The following EYS variants were observed in gnomAD, a reference collection of about 807,000 sequenced individuals.
The protein encoded by EYS is protein eyes shut homolog.
Under a neutral mutation model 282.1 loss-of-function variants are expected in EYS, and 250 were observed. The observed-to-expected ratio is 0.89, with a 90% confidence interval of 0.80 to 0.98. EYS has a LOEUF of 0.98. EYS is among the 50% of genes least tolerant of loss of function. The pLI is 0.00. For missense variants in EYS, 4,016 were observed against 3,709.0 expected (o/e 1.08, Z -2.15); for synonymous variants, 1,355 against 1,282.9 (o/e 1.06, Z -1.20).
chr6:65,584,606 C>T (rs546860507), intron 2 of EYS, among the ~76,000 whole-genome samples: 120 of 151,860 alleles, frequency 7.9e-4, no homozygotes, highest in African/African-American at 2.8e-3. Flanking sequence ...TACCTTCAAA[C>T]GAATCATTTT....
At chr6:65,673,435 A>C (rs888255679) in intron 1 of EYS, among the ~76,000 whole-genome samples, 3 of 152,130 alleles carry the variant, frequency 2.0e-5, no homozygotes, top group African/African-American at 7.2e-5. Flanking sequence ...ACTAAACAGA[A>C]GATACAAGGT....
intron 35 of EYS, among the ~76,000 whole-genome samples, chr6:63,915,095 G>A (rs749663599): frequency 3.0e-4 from 45 of 152,118 alleles, no homozygotes; most frequent in Non-Finnish European, 5.6e-4. Context: ...TTGAAAGAAG[G>A]TGCCATCTAG....
intron 12 of EYS, among the ~76,000 whole-genome samples, chr6:65,202,744 G>A (rs866630209): frequency 6.6e-6 from 1 of 152,162 alleles, no homozygotes; most frequent in African/African-American, 2.4e-5. Flanking sequence ...ATAGCTTTGT[G>A]ATCTGGGCAC....
intron 5 of EYS, among the ~76,000 whole-genome samples, chr6:65,441,376 G>A (rs1052010295): frequency 3.3e-5 from 5 of 151,440 alleles, no homozygotes; most frequent in East Asian, 3.9e-4. Context: ...TTCTATTTAC[G>A]AATGTTCATG....
At chr6:65,363,563 G>A (rs1044055897) in intron 8 of EYS, among the ~76,000 whole-genome samples, 3 of 151,434 alleles carry the variant, frequency 2.0e-5, no homozygotes, top group Admixed American at 6.6e-5. Context: ...ACTTGATAAC[G>A]TTGCCATCTC....
chr6:64,583,536 C>T (rs1766139566), intron 26 of EYS, among the ~76,000 whole-genome samples: 1 of 152,102 alleles, frequency 6.6e-6, no homozygotes, highest in Middle Eastern at 3.2e-3. Flanking sequence ...TAGCTCACGC[C>T]TGTTATCCCA....
chr6:64,989,550 A>C (rs1040883122), intron 14 of EYS, among the ~76,000 whole-genome samples: 30 of 137,774 alleles, frequency 2.2e-4, no homozygotes, highest in African/African-American at 8.1e-4. Context: ...ATAATATATC[A>C]TATATTTTAT....
At chr6:64,786,183 TC>T (rs1264660525) in intron 22 of EYS, among the ~76,000 whole-genome samples, 1 of 144,758 alleles carries the variant, frequency 6.9e-6, no homozygotes, top group Admixed American at 6.8e-5. Context: ...CTTTACTGGT[TC>T]TACATTTTTT....
intron 33 of EYS, among the ~76,000 whole-genome samples, chr6:64,036,684 C>A (rs867293330): frequency 6.6e-6 from 1 of 152,008 alleles, no homozygotes; most frequent in African/African-American, 2.4e-5. Context: ...AAAACTTGGG[C>A]CTGGATTGGC....
intron 36 of EYS, among the ~76,000 whole-genome samples, chr6:63,838,038 T>G (rs1256133844): frequency 1.3e-5 from 2 of 152,162 alleles, no homozygotes; most frequent in African/African-American, 4.8e-5. Context: ...TCTGATTTTA[T>G]GCACTTTATC....
intron 31 of EYS, among the ~76,000 whole-genome samples, chr6:64,121,973 C>T (rs774027788): frequency 6.6e-6 from 1 of 152,092 alleles, no homozygotes; most frequent in Admixed American, 6.6e-5. Context: ...ATATTAAGAA[C>T]ATTTCCATCT....
chr6:64,133,207 A>G (rs1465243336), intron 31 of EYS, among the ~76,000 whole-genome samples: 2 of 151,986 alleles, frequency 1.3e-5, no homozygotes, highest in African/African-American at 4.8e-5. Context: ...ACTCTTGTTC[A>G]CATTTTTTAT....
chr6:64,910,363 A>G (rs541941168), intron 16 of EYS, among the ~76,000 whole-genome samples: 2 of 152,280 alleles, frequency 1.3e-5, no homozygotes, highest in South Asian at 2.1e-4. Flanking sequence ...TTTAAAAGCA[A>G]TGTTACAGCC....
chr6:64,142,718 G>T (rs1024007782), intron 31 of EYS, among the ~76,000 whole-genome samples: 1 of 152,146 alleles, frequency 6.6e-6, no homozygotes, highest in African/African-American at 2.4e-5. Context: ...TTGATAGGAA[G>T]TGACAGAACT....
At chr6:65,090,273 T>C (rs1214468653) in intron 12 of EYS, among the ~76,000 whole-genome samples, 1 of 152,078 alleles carries the variant, frequency 6.6e-6, no homozygotes, top group Non-Finnish European at 1.5e-5. Flanking sequence ...GATATGATGG[T>C]TTTATAAGCA....
intron 29 of EYS, among the ~76,000 whole-genome samples, chr6:64,309,266 A>G (rs1260972232): frequency 1.3e-5 from 2 of 152,176 alleles, no homozygotes; most frequent in African/African-American, 4.8e-5. Context: ...AAGAGCCATG[A>G]AAAATGGTCT....
chr6:64,636,712 G>A (rs1018919233), intron 22 of EYS, among the ~76,000 whole-genome samples: 1 of 151,946 alleles, frequency 6.6e-6, no homozygotes, highest in African/African-American at 2.4e-5. Context: ...CTAATATCCA[G>A]AATCTACAAT....
chr6:64,341,358 T>C (rs1400271413), intron 29 of EYS, among the ~76,000 whole-genome samples: 1 of 151,728 alleles, frequency 6.6e-6, no homozygotes, highest in Non-Finnish European at 1.5e-5. Context: ...GAATATTACA[T>C]GGCCATAAAA....
chr6:64,236,998 T>A (rs554327492), intron 30 of EYS, among the ~76,000 whole-genome samples: 1 of 152,218 alleles, frequency 6.6e-6, no homozygotes, highest in Non-Finnish European at 1.5e-5. Flanking sequence ...CATAAACTCT[T>A]ATAAGTAGTA....
Sources: gnomAD v4.1 joint callset for allele counts (sites outside exome capture counted in the v4.1 genomes callset) on GRCh38, gnomAD v4.1.1 for gene constraint, MANE v1.5 for transcripts, NCBI Gene and HGNC (gene_info 2026-07-23, HGNC 2026-07-21) for gene names.